The following DACH1 variants were observed in gnomAD, a reference collection of about 807,000 sequenced individuals.
The protein encoded by DACH1 is dachshund homolog 1.
Under a neutral mutation model 54.2 loss-of-function variants are expected in DACH1, and 12 were observed. The ratio of observed to expected loss-of-function variants is 0.22; its 90% CI spans 0.14 to 0.36. The LOEUF (loss-of-function observed/expected upper bound fraction) is 0.36. Ranked by LOEUF, DACH1 falls within the 10% of genes least tolerant of loss-of-function variation. The probability of loss-of-function intolerance (pLI) is 1.00; values close to 1 mark genes in which losing one functional copy is unlikely to be tolerated. For missense variants in DACH1, 805 were observed against 929.8 expected (o/e 0.87, Z 1.75); for synonymous variants, 386 against 366.2 (o/e 1.05, Z -0.62).
intron 1 of DACH1, among the ~76,000 whole-genome samples, chr13:71,837,474 C>T (rs1256262237): frequency 6.6e-6 from 1 of 152,022 alleles, no homozygotes; most frequent in Non-Finnish European, 1.5e-5. Context: ...ACTTGGGTAA[C>T]TGTTACTCCT....
Position 71,775,127 on chromosome 13 carries a change from C to CTTTTTT in DACH1, c.848+90789_848+90794dup, listed in dbSNP as rs767902341. 6.2e-3 allele frequency among the ~76,000 whole-genome samples: 333 copies of CTTTTTT among 54,022 alleles called. 58 individuals are homozygous for CTTTTTT. Among genetic ancestry groups the CTTTTTT allele is most frequent in the Middle Eastern group, 0.031 (2 of 64 alleles). 35.4% of individuals were successfully genotyped at this position (54,022 alleles called of 152,430 possible). The stretch of plus-strand genomic sequence containing the variant: ...GAGCAAGACTCCATCTCAACACAAG[C>CTTTTTT]TTTTTTTTTTTTTTTTTTTTTTTTT... On this transcript the variant is annotated intron_variant, in intron 1 of 10. Transcript: ENST00000613252.
intron 1 of DACH1, among the ~76,000 whole-genome samples, chr13:71,825,938 G>C (rs1430359033): frequency 6.6e-6 from 1 of 152,026 alleles, no homozygotes; most frequent in African/African-American, 2.4e-5. Context: ...GAAGCCCCTA[G>C]TCTAACATCT....
At chr13:71,608,451 C>T (rs1875053599) in intron 3 of DACH1, among the ~76,000 whole-genome samples, 1 of 151,984 alleles carries the variant, frequency 6.6e-6, no homozygotes, top group Non-Finnish European at 1.5e-5. Context: ...CCTTACTAGA[C>T]TATCATACCA....
chr13:71,491,609 T>G (rs1878986719), intron 6 of DACH1, among the ~76,000 whole-genome samples: 1 of 152,156 alleles, frequency 6.6e-6, no homozygotes, highest in East Asian at 1.9e-4. Flanking sequence ...GCAGAATGTT[T>G]AAGAAGCGAA....
intron 3 of DACH1, among the ~76,000 whole-genome samples, chr13:71,623,868 T>C (rs566896588): frequency 7.2e-5 from 11 of 152,012 alleles, no homozygotes; most frequent in African/African-American, 2.6e-4. Context: ...AAGGACTTAC[T>C]TGGTCACACA....
chr13:71,842,185 A>G (rs1000300611), intron 1 of DACH1, among the ~76,000 whole-genome samples: 3 of 152,170 alleles, frequency 2.0e-5, no homozygotes, highest in South Asian at 2.1e-4. Flanking sequence ...TGCTATGAGG[A>G]TTAAGTGAGA....
intron 6 of DACH1, among the ~76,000 whole-genome samples, chr13:71,525,243 C>T (rs1370645227): frequency 6.6e-6 from 1 of 151,996 alleles, no homozygotes; most frequent in Admixed American, 6.6e-5. Context: ...AAGTAACACT[C>T]GTAAAATATT....
At chr13:71,564,539 A>T (rs1261468612) in intron 4 of DACH1, among the ~76,000 whole-genome samples, 1 of 151,998 alleles carries the variant, frequency 6.6e-6, no homozygotes, top group Admixed American at 6.5e-5. Flanking sequence ...GAAAAGCTGC[A>T]TTTTTGCCTC....
intron 1 of DACH1, among the ~76,000 whole-genome samples, chr13:71,824,866 G>A (rs918174560): frequency 6.6e-6 from 1 of 152,058 alleles, no homozygotes; most frequent in African/African-American, 2.4e-5. Context: ...ATTTAAAGCT[G>A]AGGATATTAC....
intron 10 of DACH1, among the ~76,000 whole-genome samples, chr13:71,473,887 G>T (rs979482452): frequency 1.3e-5 from 2 of 152,080 alleles, no homozygotes; most frequent in Admixed American, 1.3e-4. Context: ...AAAGAGGACT[G>T]GTTTTTTCAT....
intron 10 of DACH1, among the ~76,000 whole-genome samples, chr13:71,467,056 A>T: frequency 6.6e-6 from 1 of 151,022 alleles, no homozygotes; most frequent in South Asian, 2.1e-4. Context: ...TACATAGTAA[A>T]TAATTATAAT....
intron 1 of DACH1, among the ~76,000 whole-genome samples, chr13:71,748,944 CTT>C (rs1884790987): frequency 6.9e-5 from 3 of 43,726 alleles, no homozygotes; most frequent in Non-Finnish European, 1.8e-4. Context: ...TTCTTTCTTT[CTT>C]TCTTTCTCTC....
Position 71,813,284 on chromosome 13 carries a change from C to T in DACH1, c.848+52638G>A, listed in dbSNP as rs146572754. On this transcript the variant is annotated intron_variant, in intron 1 of 10. Coordinates refer to ENST00000613252, the MANE Select transcript of DACH1 (RefSeq NM_080759.6). ...CCATAATCATAAAATTATTTAGTAT[C>T]ACAAAGTCTTGCAAGTTAGATACTA... is the stretch of plus-strand genomic sequence containing the variant. 1.3e-3 allele frequency among the ~76,000 whole-genome samples: 201 copies of T among 152,190 alleles called. 1 individual carries two copies. The highest frequency in any genetic ancestry group is 4.6e-3 in the African/African-American group (191 of 41,534).
chr13:71,635,740 T>C (rs537027977), intron 2 of DACH1, among the ~76,000 whole-genome samples: 1 of 152,206 alleles, frequency 6.6e-6, no homozygotes, highest in Non-Finnish European at 1.5e-5. Context: ...ATATCCCACT[T>C]TGAATTGTCT....
At chr13:71,455,406 C>T (rs936297971) in intron 10 of DACH1, among the ~76,000 whole-genome samples, 3 of 151,944 alleles carry the variant, frequency 2.0e-5, no homozygotes, top group South Asian at 2.1e-4. Context: ...ATATCTTCTT[C>T]AGTAGGTGGA....
intron 8 of DACH1, among the ~76,000 whole-genome samples, chr13:71,478,604 T>C (rs1877776550): frequency 6.6e-6 from 1 of 152,174 alleles, no homozygotes; most frequent in African/African-American, 2.4e-5. Flanking sequence ...TCAATAATAT[T>C]ATTTTATCCA....
chr13:71,640,120 A>G (rs1470286771), intron 2 of DACH1, among the ~76,000 whole-genome samples: 1 of 152,034 alleles, frequency 6.6e-6, no homozygotes, highest in Non-Finnish European at 1.5e-5. Context: ...TTCAGCACTG[A>G]CCACACGGAT....
intron 3 of DACH1, among the ~76,000 whole-genome samples, chr13:71,605,906 TAGACTC>T (rs964716280): frequency 3.3e-5 from 5 of 152,084 alleles, no homozygotes; most frequent in African/African-American, 1.2e-4. Context: ...AATAATAACT[TAGACTC>T]AGTAGGGACT....
At chr13:71,626,873 T>C (rs1483209455) in intron 3 of DACH1, among the ~76,000 whole-genome samples, 2 of 152,098 alleles carry the variant, frequency 1.3e-5, no homozygotes, top group African/African-American at 2.4e-5. Flanking sequence ...CCATATGAAC[T>C]GACAGGTCAC....
Sources: allele counts gnomAD v4.1 joint callset (sites outside exome capture counted in the v4.1 genomes callset), GRCh38; gene constraint gnomAD v4.1.1; transcripts MANE v1.5; gene names NCBI Gene and HGNC (gene_info 2026-07-23, HGNC 2026-07-21).